The following NDUFA9 variants were observed in gnomAD, a reference collection of about 807,000 sequenced individuals.
NDUFA9 encodes NADH:ubiquinone oxidoreductase subunit A9, also known as NADH dehydrogenase [ubiquinone] 1 alpha subcomplex subunit 9, mitochondrial.
NDUFA9 carries 23 observed loss-of-function variants against 45.9 expected under a neutral mutation model. That is an observed-to-expected ratio of 0.50 (90% CI 0.36 to 0.71). NDUFA9 has a LOEUF of 0.71. NDUFA9 is among the 30% of genes least tolerant of loss of function. The probability of loss-of-function intolerance (pLI) is 0.00; values close to 1 mark genes in which losing one functional copy is unlikely to be tolerated. For synonymous variants in NDUFA9, 176 were observed against 170.5 expected (o/e 1.03, Z -0.25); for missense variants, 466 against 488.2 (o/e 0.95, Z 0.43).
rs1274183024 is a variant in NDUFA9 at position 4,690,009 on chromosome 12, A to G, written c.*2901A>G. The G allele has an allele frequency of 1.3e-5, 2 of 152,550 alleles. No homozygotes were observed. Among genetic ancestry groups the G allele is most frequent in the Admixed American group, 6.5e-5 (1 of 15,290 alleles). The allele number at this position is 152,550 out of a possible 1,614,324, so 9.4% of individuals were successfully genotyped here. ...CTAAGCTAGTGGATGTCACCCTCTC[A>G]GTGTATGGAGGTTGCATATGACAAG... is the stretch of plus-strand genomic sequence containing the variant. On this transcript the variant is annotated 3_prime_UTR_variant, in exon 11 of 11. Transcript: ENST00000266544.
Position 4,687,208 on chromosome 12 carries a change from C to A in NDUFA9, c.*100C>A. 9.0e-7 allele frequency: 1 copy of A among 1,106,832 alleles called. No homozygotes were observed. The highest frequency in any genetic ancestry group is 1.8e-5 in the South Asian group (1 of 55,522). 68.6% of individuals were successfully genotyped at this position (1,106,832 alleles called of 1,614,324 possible). ...TCTTTAGAGGATCCTGTACACAGTTCCACTATTAAAACATTTCAGGTTGAA... is the reference window on the plus strand; with the variant it reads ...TCTTTAGAGGATCCTGTACACAGTTACACTATTAAAACATTTCAGGTTGAA... On this transcript the variant is annotated 3_prime_UTR_variant, in exon 11 of 11. Coordinates refer to ENST00000266544, the MANE Select transcript of NDUFA9 (RefSeq NM_005002.5).
Position 4,687,242 on chromosome 12 carries a change from T to C in NDUFA9, c.*134T>C. 1 of 778,610 alleles carries C rather than the reference T, an allele frequency of 1.3e-6. No individual in the cohort carries two copies. Among genetic ancestry groups the C allele is most frequent in the Non-Finnish European group, 1.9e-6 (1 of 520,190 alleles). The allele number at this position is 778,610 out of a possible 1,614,324, so 48.2% of individuals were successfully genotyped here. ...AAACATTTCAGGTTGAATTCTGCAG[T>C]ATTTTCTTCCTTGATTTACAAAATG... On this transcript the variant is annotated 3_prime_UTR_variant, in exon 11 of 11. Coordinates refer to ENST00000266544, the MANE Select transcript of NDUFA9 (RefSeq NM_005002.5).
At chr12:4,654,485 A>G (rs1188836045) in intron 2 of NDUFA9, 23 bp downstream of exon 2, 28 of 1,611,882 alleles carry the variant, frequency 1.7e-5, no homozygotes, top group Non-Finnish European at 2.2e-5. Context: ...CCTTAAGTTC[A>G]TATGCTCCAT....
At chr12:4,662,956 G>A (rs1160009352) in intron 6 of NDUFA9, among the ~76,000 whole-genome samples, 1 of 152,062 alleles carries the variant, frequency 6.6e-6, no homozygotes, top group African/African-American at 2.4e-5. Context: ...AAAATCCCCT[G>A]TGTTATATGT....
intron 6 of NDUFA9, among the ~76,000 whole-genome samples, chr12:4,663,078 A>G (rs192547572): frequency 6.6e-6 from 1 of 152,330 alleles, no homozygotes; most frequent in African/African-American, 2.4e-5. Flanking sequence ...GAATCATTGC[A>G]GTATGTAGCC....
chr12:4,666,579 G>T (rs989641157), intron 6 of NDUFA9, among the ~76,000 whole-genome samples: 24 of 151,930 alleles, frequency 1.6e-4, no homozygotes, highest in Non-Finnish European at 3.4e-4. Context: ...ATGAGGTAAG[G>T]GTCCAATTTT....
intron 8 of NDUFA9, among the ~76,000 whole-genome samples, chr12:4,673,763 G>A (rs959393174): frequency 6.6e-6 from 1 of 151,938 alleles, no homozygotes; most frequent in African/African-American, 2.4e-5. Flanking sequence ...AACTCCAGGA[G>A]AACTTCCCCA....
chr12:4,685,512 C>T (rs1208341119), intron 10 of NDUFA9, among the ~76,000 whole-genome samples, 187 bp downstream of exon 10: 1 of 152,164 alleles, frequency 6.6e-6, no homozygotes, highest in Non-Finnish European at 1.5e-5. Flanking sequence ...TCCCTACTTT[C>T]TGTCCGTCAT....
intron 1 of NDUFA9, among the ~76,000 whole-genome samples, chr12:4,651,060 T>A (rs1281551746): frequency 2.0e-5 from 3 of 152,210 alleles, no homozygotes; most frequent in African/African-American, 7.2e-5. Context: ...TAGTTTAAAC[T>A]GTATGCCACA....
At chr12:4,670,054 AG>A (rs1945876992) in intron 8 of NDUFA9, among the ~76,000 whole-genome samples, 1 of 152,208 alleles carries the variant, frequency 6.6e-6, no homozygotes, top group Admixed American at 6.5e-5. Flanking sequence ...AGTGACCCTT[AG>A]GGATGGTTTT....
rs141369415 is a variant in NDUFA9, at chr12:4,682,212, C to T, written c.808C>T (p.Arg270Trp). The T allele has an allele frequency of 3.1e-6, 5 of 1,609,144 alleles. No homozygotes were observed. In the Admixed American group the frequency reaches 6.7e-5, roughly 22 times the overall value. The change falls in exon 9 of 11, where the codon CGG becomes TGG. Residue 270 changes from arginine to tryptophan, a missense_variant. Coordinates refer to ENST00000266544, the MANE Select transcript of NDUFA9 (RefSeq NM_005002.5). ...GKSFAFVGPS[R>W]YLLFHLVKYI... is the part of the protein sequence containing the mutation. ...TGTATTGTCTTTTTATAGTCCCAGT[C>T]GGTACCTCCTTTTCCACCTGGTGAA...
Position 4,686,975 on chromosome 12 carries a change from G to T in NDUFA9, c.1001G>T (p.Gly334Val), listed in dbSNP as rs745857964. The T allele has an allele frequency of 6.2e-7, 1 of 1,614,026 alleles. No individual in the cohort carries two copies. The highest frequency in any genetic ancestry group is 2.2e-5 in the East Asian group (1 of 44,894). ...ITDMKLPHLPGLEDLGIQATP... is the reference protein window; with the variant it reads ...ITDMKLPHLPVLEDLGIQATP... ...GACATGAAATTGCCTCACCTGCCTG[G>T]CTTAGAAGACCTTGGTATTCAGGCA... The change falls in exon 11 of 11, where the codon GGC (glycine) becomes GTC (valine). Residue 334 changes from glycine (G) to valine (V), a missense_variant. By Grantham distance (109) the Gly-to-Val change is moderately radical. Transcript: ENST00000266544.
At chr12:4,676,291 G>A (rs1025879890) in intron 8 of NDUFA9, among the ~76,000 whole-genome samples, 1 of 152,146 alleles carries the variant, frequency 6.6e-6, no homozygotes, top group Non-Finnish European at 1.5e-5. Context: ...TTCTGGCTGG[G>A]ACAATTAGGC....
intron 3 of NDUFA9, chr12:4,657,458 G>A: frequency 3.8e-6 from 1 of 265,224 alleles, no homozygotes; most frequent in Non-Finnish European, 7.2e-6. Context: ...GTAGTTGGGT[G>A]GACAAAAACT....
intron 6 of NDUFA9, among the ~76,000 whole-genome samples, chr12:4,665,387 A>T (rs75947393): frequency 0.029 from 4,492 of 152,296 alleles, 219 homozygotes; most frequent in African/African-American, 0.1. Flanking sequence ...CTCAAGGTGC[A>T]TTCCTGTTGT....
rs1293648037 is a variant in NDUFA9, at chr12:4,690,782, T to C, written c.*3674T>C. 1 of 152,150 alleles carries C rather than the reference T, an allele frequency of 6.6e-6. No individual in the cohort carries two copies. The highest frequency in any genetic ancestry group is 1.5e-5 in the Non-Finnish European group (1 of 68,038). The allele number at this position is 152,150 out of a possible 1,614,324, so 9.4% of individuals were successfully genotyped here. A position where few individuals can be genotyped will look rare whatever the true frequency, so the allele number is the denominator to read the frequency against. ...ATATGGGAATATATGCAAAGATCTC[T>C]GAGAAGATAAAGAAAGGTCTCTGGA... On this transcript the variant is annotated 3_prime_UTR_variant, in exon 11 of 11. Transcript: ENST00000266544.
intron 8 of NDUFA9, among the ~76,000 whole-genome samples, chr12:4,677,557 C>A (rs1188523779): frequency 1.3e-5 from 2 of 152,224 alleles, no homozygotes; most frequent in African/African-American, 2.4e-5. Context: ...CTCATCGTCA[C>A]TGGTCATTAG....
intron 6 of NDUFA9, among the ~76,000 whole-genome samples, chr12:4,666,491 T>A (rs1340960179): frequency 6.6e-6 from 1 of 152,172 alleles, no homozygotes; most frequent in African/African-American, 2.4e-5. Flanking sequence ...TCTCCTTTTG[T>A]TTTTGTCTAA....
At chr12:4,665,749 T>G (rs1405510720) in intron 6 of NDUFA9, among the ~76,000 whole-genome samples, 1 of 150,114 alleles carries the variant, frequency 6.7e-6, no homozygotes, top group Non-Finnish European at 1.5e-5. Context: ...ATTTTCTGTT[T>G]TTTTTTTTTT....
Sources: gnomAD v4.1 joint callset for allele counts (sites outside exome capture counted in the v4.1 genomes callset) on GRCh38, gnomAD v4.1.1 for gene constraint, MANE v1.5 for transcripts, NCBI Gene and HGNC (gene_info 2026-07-23, HGNC 2026-07-21) for gene names.